The following FBXL20 variants were observed in gnomAD, a reference collection of about 807,000 sequenced individuals.
FBXL20 encodes F-box and leucine rich repeat protein 20.
Under a neutral mutation model 64.0 loss-of-function variants are expected in FBXL20, and 11 were observed. The ratio of observed to expected loss-of-function variants is 0.17; its 90% CI spans 0.11 to 0.28. The LOEUF is 0.28. Among genes scored for constraint, FBXL20 ranks in the 10% least tolerant of loss-of-function variants. The probability of loss-of-function intolerance (pLI) is 1.00; values close to 1 mark genes in which losing one functional copy is unlikely to be tolerated. For missense variants in FBXL20, 303 were observed against 526.2 expected (o/e 0.58, Z 4.15); for synonymous variants, 184 against 189.0 (o/e 0.97, Z 0.22).
intron 2 of FBXL20, among the ~76,000 whole-genome samples, chr17:39,327,317 A>G (rs2047418192): frequency 6.6e-6 from 1 of 152,224 alleles, no homozygotes; most frequent in East Asian, 1.9e-4. Flanking sequence ...AAAGATAAAT[A>G]ATAAGCTCCA....
At chr17:39,365,698 C>T (rs1015120521) in intron 1 of FBXL20, among the ~76,000 whole-genome samples, 2 of 152,124 alleles carry the variant, frequency 1.3e-5, no homozygotes, top group African/African-American at 4.8e-5. Context: ...ATTTATTTGA[C>T]ATTAACCATC....
At chr17:39,384,293 C>T (rs987487569) in intron 1 of FBXL20, among the ~76,000 whole-genome samples, 5 of 151,618 alleles carry the variant, frequency 3.3e-5, no homozygotes, top group South Asian at 2.1e-4. Context: ...TTTAGGTGGC[C>T]GAGGTGGGCA....
At chr17:39,332,934 TAGGGGACCCCA>T (rs1286578764) in intron 2 of FBXL20, among the ~76,000 whole-genome samples, 1 of 152,188 alleles carries the variant, frequency 6.6e-6, no homozygotes, top group Non-Finnish European at 1.5e-5. Context: ...TGGATGGATC[TAGGGGACCCCA>T]ACACAGTATG....
intron 1 of FBXL20, among the ~76,000 whole-genome samples, chr17:39,348,873 A>G (rs368280356): frequency 1.3e-5 from 2 of 152,012 alleles, no homozygotes; most frequent in East Asian, 2.0e-4. Flanking sequence ...TTTTGTATCT[A>G]TTGTAGAGAT....
At chr17:39,307,810 A>C (rs1369471011) in intron 2 of FBXL20, among the ~76,000 whole-genome samples, 1 of 151,796 alleles carries the variant, frequency 6.6e-6, no homozygotes, top group Non-Finnish European at 1.5e-5. Context: ...GTCTCTACTA[A>C]TAATACAAAA....
intron 1 of FBXL20, among the ~76,000 whole-genome samples, chr17:39,355,709 G>T (rs1288304655): frequency 6.6e-6 from 1 of 151,846 alleles, no homozygotes; most frequent in East Asian, 1.9e-4. Context: ...ACAAAAATTA[G>T]CTGCGCGTGG....
chr17:39,328,949 G>C (rs118088317), intron 2 of FBXL20, among the ~76,000 whole-genome samples: 5 of 152,246 alleles, frequency 3.3e-5, no homozygotes, highest in East Asian at 1.9e-4. Context: ...AGCTACTCAG[G>C]AGACAGAGGT....
Position 39,312,138 on chromosome 17 carries a change from C to T in FBXL20, c.105-8499G>A, listed in dbSNP as rs565035887. On this transcript the variant is annotated intron_variant, in intron 2 of 14. Coordinates refer to ENST00000264658, the MANE Select transcript of FBXL20 (RefSeq NM_032875.3). ...CTCTATTAAAGTAGTAAGAACTGGC[C>T]GGGCATGGTGGCTCACGCCTGTAAT... Among the ~76,000 whole-genome samples, 173 of 152,096 alleles carry T rather than the reference C, an allele frequency of 1.1e-3. 1 individual carries two copies. Among genetic ancestry groups the T allele is most frequent in the African/African-American group, 4.0e-3 (166 of 41,492 alleles).
At chr17:39,338,631 T>C (rs2047552496) in intron 2 of FBXL20, among the ~76,000 whole-genome samples, 1 of 152,206 alleles carries the variant, frequency 6.6e-6, no homozygotes, top group Non-Finnish European at 1.5e-5. Flanking sequence ...ACAAAGAACA[T>C]AATTCTGCAG....
chr17:39,301,443 C>A (rs2047133935), intron 3 of FBXL20, among the ~76,000 whole-genome samples: 1 of 151,984 alleles, frequency 6.6e-6, no homozygotes, highest in African/African-American at 2.4e-5. Flanking sequence ...AATTTAAAAA[C>A]TTGGTCGGGC....
At chr17:39,381,500 G>C (rs185474247) in intron 1 of FBXL20, among the ~76,000 whole-genome samples, 2 of 122,722 alleles carry the variant, frequency 1.6e-5, no homozygotes, top group Non-Finnish European at 3.4e-5. Context: ...AAAAAAAAAA[G>C]GCTGAATAAA....
At chr17:39,388,565 C>T (rs572739949) in intron 1 of FBXL20, among the ~76,000 whole-genome samples, 1 of 150,716 alleles carries the variant, frequency 6.6e-6, no homozygotes, top group Non-Finnish European at 1.5e-5. Context: ...CTCATTGCAA[C>T]CTCCGCCTCT....
chr17:39,319,980 C>T (rs147536649), intron 2 of FBXL20, among the ~76,000 whole-genome samples: 1 of 152,248 alleles, frequency 6.6e-6, no homozygotes, highest in East Asian at 1.9e-4. Flanking sequence ...TTGAAAAACA[C>T]ACAGATGGTA....
chr17:39,311,107 CA>C (rs2047232501), intron 2 of FBXL20, among the ~76,000 whole-genome samples: 1 of 152,114 alleles, frequency 6.6e-6, no homozygotes, highest in Non-Finnish European at 1.5e-5. Context: ...TACGAGGTTG[CA>C]GTGAGCTATG....
At position 39,269,473 on chromosome 17, in the gene FBXL20, G is replaced by A. The variant is rs186439894; in HGVS notation, c.889-602C>T. 4.4e-3 allele frequency among the ~76,000 whole-genome samples: 659 copies of A among 150,642 alleles called. 7 individuals are homozygous for A. Among genetic ancestry groups the A allele is most frequent in the Non-Finnish European group, 6.5e-3 (438 of 67,648 alleles). ...CTCCCAAAATGCTGGGATTACAGGCGTGAGCCATCGCGCCCGGCCTTTCCT... is the reference window on the plus strand; with the variant it reads ...CTCCCAAAATGCTGGGATTACAGGCATGAGCCATCGCGCCCGGCCTTTCCT... On this transcript the variant is annotated intron_variant, in intron 11 of 14. Coordinates refer to ENST00000264658, the MANE Select transcript of FBXL20 (RefSeq NM_032875.3).
chr17:39,355,661 G>A (rs1334398648), intron 1 of FBXL20, among the ~76,000 whole-genome samples: 2 of 151,734 alleles, frequency 1.3e-5, no homozygotes. Flanking sequence ...TTCAAGACCA[G>A]CCTGGCCACA....
intron 2 of FBXL20, among the ~76,000 whole-genome samples, chr17:39,315,393 TTATATATA>T (rs59563317): frequency 1.5e-5 from 2 of 134,552 alleles, no homozygotes; most frequent in Non-Finnish European, 3.2e-5. Context: ...TTTAAATAAT[TTATATATA>T]TATATATATA....
At chr17:39,360,821 G>T (rs1248849158) in intron 1 of FBXL20, among the ~76,000 whole-genome samples, 1 of 152,098 alleles carries the variant, frequency 6.6e-6, no homozygotes, top group South Asian at 2.1e-4. Flanking sequence ...GGAACTCCTT[G>T]TTCAGAGGCC....
In FBXL20 at chr17:39,255,907, T is replaced by C. The variant is rs2046691013; in HGVS notation, c.*5553A>G. 6.6e-6 allele frequency: 1 copy of C among 152,072 alleles called. No individual in the cohort carries two copies. The highest frequency in any genetic ancestry group is 2.4e-5 in the African/African-American group (1 of 41,398). 9.4% of individuals were successfully genotyped at this position (152,072 alleles called of 1,614,324 possible). A position where few individuals can be genotyped will look rare whatever the true frequency, so the allele number is the denominator to read the frequency against. ...TATGTTCTTTGCTGGAGAATCAAAA[T>C]GTCAAGTTAGGGCACTCGGATACAA... On this transcript the variant is annotated 3_prime_UTR_variant, in exon 15 of 15. Transcript: ENST00000264658.
Sources: gnomAD v4.1 joint callset for allele counts (sites outside exome capture counted in the v4.1 genomes callset) on GRCh38, gnomAD v4.1.1 for gene constraint, MANE v1.5 for transcripts, NCBI Gene and HGNC (gene_info 2026-07-23, HGNC 2026-07-21) for gene names.